The following NEBL variants were observed in gnomAD, a reference collection of about 807,000 sequenced individuals.
NEBL encodes the protein nebulette.
A neutral mutation model predicts 140.2 loss-of-function variants in NEBL; 122 were observed. The observed-to-expected ratio is 0.87, with a 90% CI of 0.75 to 1.01. NEBL has a LOEUF of 1.01. Among genes scored for constraint, NEBL ranks in the 50% least tolerant of loss-of-function variants. The probability of loss-of-function intolerance (pLI) is 0.00; values close to 1 mark genes in which losing one functional copy is unlikely to be tolerated. For synonymous variants in NEBL, 436 were observed against 398.9 expected (o/e 1.09, Z -1.11); for missense variants, 1,365 against 1,231.3 (o/e 1.11, Z -1.62).
intron 2 of NEBL, among the ~76,000 whole-genome samples, chr10:21,023,656 C>T (rs1191528990): frequency 6.6e-6 from 1 of 151,946 alleles, no homozygotes; most frequent in Non-Finnish European, 1.5e-5. Flanking sequence ...GATTGTGCCA[C>T]TGCACTCCAG....
chr10:21,210,591 A>T (rs1841899083), intron 3 of NEBL, among the ~76,000 whole-genome samples: 1 of 152,266 alleles, frequency 6.6e-6, no homozygotes, highest in Non-Finnish European at 1.5e-5. Context: ...AAGCAAAATC[A>T]TACAATTAAA....
At chr10:20,814,339 T>C (rs1838484535) in intron 22 of NEBL, among the ~76,000 whole-genome samples, 1 of 152,068 alleles carries the variant, frequency 6.6e-6, no homozygotes, top group African/African-American at 2.4e-5. Context: ...CTCGTATCTG[T>C]AATCACAGCA....
chr10:21,166,447 T>C (rs934284509), intron 2 of NEBL, among the ~76,000 whole-genome samples: 7 of 152,148 alleles, frequency 4.6e-5, no homozygotes, highest in African/African-American at 7.2e-5. Context: ...AAAACTTCGG[T>C]ATAAACCTTT....
intron 3 of NEBL, among the ~76,000 whole-genome samples, chr10:21,222,223 A>AT (rs1238739758): frequency 6.6e-6 from 1 of 151,974 alleles, no homozygotes; most frequent in East Asian, 1.9e-4. Context: ...AGGTGGGAGA[A>AT]TCGCTTAAGC....
Position 20,817,606 on chromosome 10 carries a change from G to A in NEBL, c.2142C>T (p.Ile714=). ...LKRAKENQKN[I]SNVYYRGQLG... is the part of the protein sequence containing the mutation. Reference sequence around the variant, plus strand: ...GTTACTAAGATGATCACACATTGCTGATGTTTTTCTGGTTTTCTTTTGCCC... The same window carrying A: ...GTTACTAAGATGATCACACATTGCTAATGTTTTTCTGGTTTTCTTTTGCCC... The change falls in exon 21 of 28, where the codon ATC becomes ATT. Residue 714 remains isoleucine (I), a synonymous_variant. Coordinates refer to ENST00000377122, the MANE Select transcript of NEBL (RefSeq NM_006393.3). The A allele has an allele frequency of 1.7e-5, 27 of 1,610,942 alleles. No homozygotes were observed. Among genetic ancestry groups the A allele is most frequent in the Non-Finnish European group, 2.3e-5 (27 of 1,177,036 alleles).
At chr10:21,058,448 A>G (rs1038907517) in intron 2 of NEBL, among the ~76,000 whole-genome samples, 18 of 152,208 alleles carry the variant, frequency 1.2e-4, no homozygotes, top group African/African-American at 4.3e-4. Context: ...TTATAAATAT[A>G]AGGCTTTAAA....
chr10:20,869,864 A>G, intron 5 of NEBL, 23 bp from the exon 6 acceptor site: 1 of 1,430,554 alleles, frequency 7.0e-7, no homozygotes, highest in Non-Finnish European at 9.9e-7. Context: ...AGTTTTGGTT[A>G]AAAAATAAAT....
intron 3 of NEBL, among the ~76,000 whole-genome samples, chr10:20,995,636 C>T (rs760611679): frequency 6.6e-6 from 1 of 152,162 alleles, no homozygotes; most frequent in African/African-American, 2.4e-5. Flanking sequence ...AACTTCACTG[C>T]TCTATATTTT....
At position 20,822,116 on chromosome 10, in the gene NEBL, C is replaced by A. The variant is rs553833835; in HGVS notation, c.1962+1092G>T. On this transcript the variant is annotated intron_variant, in intron 19 of 27. Transcript: ENST00000377122. ...AGTACCCAAAATGCATAGTAAGCACCCAACAAATAACAGTTATTGTAATGG... is the reference window on the plus strand; with the variant it reads ...AGTACCCAAAATGCATAGTAAGCACACAACAAATAACAGTTATTGTAATGG... Among the ~76,000 whole-genome samples, 34 of 152,124 alleles carry A rather than the reference C, an allele frequency of 2.2e-4. No individual in the cohort carries two copies. In the South Asian group the frequency reaches 6.2e-3, roughly 28 times the overall value.
intron 2 of NEBL, among the ~76,000 whole-genome samples, chr10:21,048,864 C>T (rs1042580332): frequency 1.3e-5 from 2 of 151,950 alleles, no homozygotes; most frequent in Non-Finnish European, 2.9e-5. Context: ...ATAAAATTAG[C>T]CGGGCATGGT....
intron 3 of NEBL, among the ~76,000 whole-genome samples, chr10:20,986,246 A>T (rs1837254641): frequency 6.6e-6 from 1 of 152,222 alleles, no homozygotes; most frequent in Non-Finnish European, 1.5e-5. Context: ...GCAACCCAAC[A>T]GTTCAAAGGT....
In NEBL at chr10:20,835,545, G is replaced by C; in HGVS notation, c.1417C>G (p.His473Asp). The C allele has an allele frequency of 1.9e-6, 3 of 1,612,438 alleles. No individual in the cohort carries two copies. The highest frequency in any genetic ancestry group is 2.5e-6 in the Non-Finnish European group (3 of 1,179,732). ...QAGTDTLEMQ[H>D]AKKAAEIASE... ...GCTATCTCTGCAGCCTTCTTGGCAT[G>C]CTGCATTTCAAGGGTGTCAGTGCCA... Residue 473 changes from histidine (H) to aspartate (D), a missense_variant, in exon 14 of 28, where the codon CAT (histidine) becomes GAT (aspartate). Coordinates refer to ENST00000377122, the MANE Select transcript of NEBL (RefSeq NM_006393.3).
intron 3 of NEBL, among the ~76,000 whole-genome samples, chr10:21,195,442 T>G (rs1218487602): frequency 6.6e-6 from 1 of 152,214 alleles, no homozygotes; most frequent in Non-Finnish European, 1.5e-5. Context: ...TACAGTATAT[T>G]CTAGTAATTA....
At chr10:20,873,244 C>T (rs1845158535) in intron 5 of NEBL, among the ~76,000 whole-genome samples, 1 of 152,096 alleles carries the variant, frequency 6.6e-6, no homozygotes, top group Non-Finnish European at 1.5e-5. Flanking sequence ...AATTCAAACC[C>T]TAAATGCTAA....
intron 2 of NEBL, among the ~76,000 whole-genome samples, chr10:21,158,596 C>T (rs1840429312): frequency 6.6e-6 from 1 of 152,158 alleles, no homozygotes; most frequent in Admixed American, 6.5e-5. Context: ...CATCCGCTCT[C>T]ACTGCTAAGG....
rs765058448 is a variant in NEBL at position 20,869,675 on chromosome 10, G to T, written c.582+65C>A. The T allele has an allele frequency of 1.0e-3, 1,093 of 1,061,626 alleles. 1 individual carries two copies. The highest frequency in any genetic ancestry group is 9.2e-4 in the Non-Finnish European group (625 of 677,364). 65.8% of individuals were successfully genotyped at this position (1,061,626 alleles called of 1,614,324 possible). A position where few individuals can be genotyped will look rare whatever the true frequency, so the allele number is the denominator to read the frequency against. ...TTAAATGAACCATCCAACCACTGAAGCTATGCTTTGCCTCCTACAAAAGTA... is the reference window on the plus strand; with the variant it reads ...TTAAATGAACCATCCAACCACTGAATCTATGCTTTGCCTCCTACAAAAGTA... On this transcript the variant is annotated intron_variant, in intron 6 of 27. Transcript: ENST00000377122.
chr10:20,850,419 C>A lies in NEBL; in HGVS notation c.1092G>T (p.Lys364Asn), dbSNP rs1267336684. The A allele has an allele frequency of 6.2e-7, 1 of 1,609,934 alleles. No individual in the cohort carries two copies. Among genetic ancestry groups the A allele is most frequent in the Non-Finnish European group, 8.5e-7 (1 of 1,176,262 alleles). Residue 364 changes from lysine (K) to asparagine (N), a missense_variant, in exon 11 of 28, where the codon AAG becomes AAT. By Grantham distance (94) the Lys-to-Asn change is moderately conservative. Around this residue, in one of 2 missense-constraint regions of NEBL, gnomAD observed 1,323 missense variants for 1,154.8 expected, o/e 1.15. Transcript: ENST00000377122. ...CTTCACTTTGCATCTTTTGAGCCTC[C>A]TTTGAAGCTTGATATGATGGTGTCT... ...FVETPSYQAS[K>N]EAQKMQSEKV...
chr10:20,918,261 G>C (rs1008324832), intron 4 of NEBL, among the ~76,000 whole-genome samples: 1 of 152,190 alleles, frequency 6.6e-6, no homozygotes, highest in Non-Finnish European at 1.5e-5. Context: ...AGGAGGCTGA[G>C]GCAGGAGAAT....
intron 4 of NEBL, among the ~76,000 whole-genome samples, chr10:20,959,239 A>G (rs1835941953): frequency 6.6e-6 from 1 of 152,136 alleles, no homozygotes; most frequent in Non-Finnish European, 1.5e-5. Context: ...TAAACTTGGC[A>G]CTCAAATGCA....
Sources: gnomAD v4.1 joint callset for allele counts (sites outside exome capture counted in the v4.1 genomes callset) on GRCh38, gnomAD v4.1.1 for gene constraint, gnomAD v4.1.1 regional missense constraint, MANE v1.5 for transcripts, NCBI Gene and HGNC (gene_info 2026-07-23, HGNC 2026-07-21) for gene names.